COL19A1: variants seen among roughly 807,000 people sequenced by gnomAD.
COL19A1 encodes collagen type XIX alpha 1 chain.
In COL19A1, 159 loss-of-function variants were observed where a neutral mutation model predicts 190.2. That is an observed-to-expected ratio of 0.84 (90% confidence interval 0.73 to 0.95). The LOEUF (loss-of-function observed/expected upper bound fraction) is 0.95, where lower values mean the gene tolerates loss of function less well. COL19A1 is among the 40% of genes least tolerant of loss of function. COL19A1 has a pLI of 0.00. For synonymous variants in COL19A1, 509 were observed against 458.9 expected, an observed-to-expected ratio of 1.11 and a Z score of -1.39; for missense variants, 1,418 against 1,431.9, an observed-to-expected ratio of 0.99 and a Z score of 0.16.
chr6:70,032,199 A>G (rs768679127), intron 12 of COL19A1, among the ~76,000 whole-genome samples: 3 of 152,188 alleles, frequency 2.0e-5, no homozygotes, highest in Non-Finnish European at 4.4e-5. Flanking sequence ...AAGTTAGAGG[A>G]TGAAGAACTT....
At position 69,962,838 on chromosome 6, in the gene COL19A1, T is replaced by G. The variant is rs200542337; in HGVS notation, c.994T>G (p.Phe332Val). The change falls in exon 11 of 51, where the codon TTT becomes GTT. Residue 332 changes from phenylalanine to valine, a missense_variant. Phe to Val is a conservative substitution (Grantham distance 50, BLOSUM62 -1). Transcript: ENST00000620364. ...GFPGQKGEQG[F>V]EGSKGETGEK... ...TCCTCTTCTACAGGGAGAGCAAGGT[T>G]TTGAAGGCAGCAAAGGAGAAACTGG... 4 of 1,608,632 alleles carry G rather than the reference T, an allele frequency of 2.5e-6. No individual in the cohort carries two copies. Among genetic ancestry groups the G allele is most frequent in the Non-Finnish European group, 3.4e-6 (4 of 1,176,578 alleles).
intron 1 of COL19A1, among the ~76,000 whole-genome samples, chr6:69,874,652 G>T (rs919274792): frequency 5.9e-5 from 9 of 152,280 alleles, no homozygotes; most frequent in African/African-American, 2.2e-4. Flanking sequence ...TTGGGAGGCT[G>T]AGGCAGGAGA....
chr6:70,061,872 A>G (rs562176701), intron 14 of COL19A1, among the ~76,000 whole-genome samples: 5 of 152,248 alleles, frequency 3.3e-5, no homozygotes, highest in African/African-American at 1.2e-4. Context: ...CCCTGCAATT[A>G]TATTGTAATT....
chr6:70,060,461 G>A (rs1347044899), intron 14 of COL19A1, among the ~76,000 whole-genome samples: 1 of 151,686 alleles, frequency 6.6e-6, no homozygotes, highest in African/African-American at 2.4e-5. Context: ...GGTGAGTGGT[G>A]GGCAAGTGAG....
chr6:69,879,714 A>G, intron 2 of COL19A1, 56 bp downstream of exon 2: 1 of 1,465,296 alleles, frequency 6.8e-7, no homozygotes, highest in Non-Finnish European at 9.5e-7. Context: ...CCTTTAAGTC[A>G]TTAAAACAAA....
At chr6:69,903,560 C>G (rs913390966) in intron 4 of COL19A1, among the ~76,000 whole-genome samples, 1 of 152,162 alleles carries the variant, frequency 6.6e-6, no homozygotes, top group Admixed American at 6.5e-5. Context: ...GGGCAGCATA[C>G]GCACTTACTA....
At chr6:69,872,450 G>T (rs1280195155) in intron 1 of COL19A1, among the ~76,000 whole-genome samples, 1 of 152,076 alleles carries the variant, frequency 6.6e-6, no homozygotes, top group Non-Finnish European at 1.5e-5. Context: ...GTTTCTTAAT[G>T]TCCCTCTCTA....
At chr6:70,194,944 T>C (rs924823203) in intron 48 of COL19A1, among the ~76,000 whole-genome samples, 1 of 151,744 alleles carries the variant, frequency 6.6e-6, no homozygotes. Flanking sequence ...TTTCTCGATA[T>C]GCATTTCATA....
intron 2 of COL19A1, among the ~76,000 whole-genome samples, chr6:69,896,037 T>C (rs1238359002): frequency 6.6e-6 from 1 of 152,198 alleles, no homozygotes; most frequent in Non-Finnish European, 1.5e-5. Flanking sequence ...CTTTAGTAAA[T>C]ACTGCCAAAC....
At chr6:69,947,438 T>A (rs188998906) in intron 9 of COL19A1, among the ~76,000 whole-genome samples, 88 of 151,982 alleles carry the variant, frequency 5.8e-4, no homozygotes, top group Non-Finnish European at 9.9e-4. Flanking sequence ...ATTTAAAAAA[T>A]TGTTGTATTT....
In COL19A1 at chr6:70,208,245, A is replaced by G. The variant is rs1269065902; in HGVS notation, c.*971A>G. 2 of 152,242 alleles carry G rather than the reference A, an allele frequency of 1.3e-5. No individual in the cohort carries two copies. The highest frequency in any genetic ancestry group is 3.9e-4 in the East Asian group (2 of 5,192). 9.4% of individuals were successfully genotyped at this position (152,242 alleles called of 1,614,324 possible). On this transcript the variant is annotated 3_prime_UTR_variant, in exon 51 of 51. Coordinates refer to ENST00000620364, the MANE Select transcript of COL19A1 (RefSeq NM_001858.6). ...TCAGACTTTAAGACAAGAAGCCACC[A>G]TCAAAACAAAGGATGGGATACGTAT...
At chr6:69,976,092 TACTC>T (rs915856034) in intron 11 of COL19A1, among the ~76,000 whole-genome samples, 4 of 152,184 alleles carry the variant, frequency 2.6e-5, no homozygotes, top group African/African-American at 9.7e-5. Flanking sequence ...GTATGAAACT[TACTC>T]ATCATTCATG....
chr6:69,979,098 A>G (rs1775891279), intron 11 of COL19A1, among the ~76,000 whole-genome samples: 3 of 151,944 alleles, frequency 2.0e-5, no homozygotes, highest in Admixed American at 2.0e-4. Flanking sequence ...TCTACCATTG[A>G]ATAAAGCACC....
intron 7 of COL19A1, 148 bp downstream of exon 7, chr6:69,933,011 G>A: frequency 1.9e-6 from 1 of 524,734 alleles, no homozygotes; most frequent in South Asian, 3.0e-5. Context: ...AGCATTCATA[G>A]TGCTTTCTCA....
chr6:70,073,768 G>T (rs1023434206), intron 15 of COL19A1, among the ~76,000 whole-genome samples: 3 of 152,112 alleles, frequency 2.0e-5, no homozygotes, highest in Admixed American at 2.0e-4. Context: ...AAGATATGAA[G>T]ATTGGTGTCA....
intron 4 of COL19A1, among the ~76,000 whole-genome samples, chr6:69,900,590 T>A (rs1468931631): frequency 6.6e-6 from 1 of 152,118 alleles, no homozygotes; most frequent in South Asian, 2.1e-4. Context: ...ATTAAATCCA[T>A]TTCTGAAGAA....
At chr6:69,901,458 A>G (rs1253423291) in intron 4 of COL19A1, among the ~76,000 whole-genome samples, 1 of 152,266 alleles carries the variant, frequency 6.6e-6, no homozygotes, top group African/African-American at 2.4e-5. Flanking sequence ...TTGGTAAGAA[A>G]CAAGAATATT....
At chr6:70,126,665 C>T (rs9454981) in intron 17 of COL19A1, among the ~76,000 whole-genome samples, 3,540 of 152,272 alleles carry the variant, frequency 0.023, 139 homozygotes, top group African/African-American at 0.081. Flanking sequence ...TATGTTTTAA[C>T]TTGCTAGGGC....
At position 70,188,108 on chromosome 6, in the gene COL19A1, CA is replaced by C. The variant is rs760064967; in HGVS notation, c.2892del (p.Gly965ValfsTer11). On this transcript the variant is annotated frameshift_variant, in exon 47 of 51. Transcript: ENST00000620364. LOFTEE classifies it high-confidence loss of function. The part of the protein sequence containing the change: ...DQGIPGDRGS[Q>X]GERGKPGLTG... ...GGGGATTCCAGGAGACAGAGGCTCA[CA>C]AGGTGAACGGGGAAAACCAGGCCTT... is the stretch of plus-strand genomic sequence containing the variant. 1.2e-6 allele frequency: 2 copies of C among 1,613,492 alleles called. No homozygotes were observed. Among genetic ancestry groups the C allele is most frequent in the Non-Finnish European group, 1.7e-6 (2 of 1,179,726 alleles).
Sources: gnomAD v4.1 joint callset for allele counts (sites outside exome capture counted in the v4.1 genomes callset) on GRCh38, gnomAD v4.1.1 for gene constraint, MANE v1.5 for transcripts, NCBI Gene and HGNC (gene_info 2026-07-23, HGNC 2026-07-21) for gene names.